The following LSS variants were observed in gnomAD, a reference collection of about 807,000 sequenced individuals.
The protein encoded by LSS is lanosterol synthase.
In LSS, 90 loss-of-function variants were observed where a neutral mutation model predicts 110.3. The observed-to-expected ratio is 0.82, with a 90% confidence interval of 0.69 to 0.97. The LOEUF is 0.97. LSS is among the 50% of genes least tolerant of loss of function. The pLI, the probability that LSS is intolerant of heterozygous loss-of-function variation, is 0.00. For synonymous variants in LSS, 433 were observed against 400.0 expected (o/e 1.08, Z -0.98); for missense variants, 927 against 990.0 (o/e 0.94, Z 0.85).
In LSS at chr21:46,227,592, G is replaced by A. The variant is rs1467149181; in HGVS notation, c.279C>T (p.His93=). The change falls in exon 3 of 22, where the codon CAC becomes CAT. Residue 93 remains histidine (H), a synonymous_variant. Coordinates refer to ENST00000397728, the MANE Select transcript of LSS (RefSeq NM_002340.6). The part of the protein sequence containing the change: ...FYVGLQAEDG[H]WTGDYGGPLF... ...GTGGGCCACCATAATCACCCGTCCA[G>A]TGCCCATCCTCAGCCTGCAGCCCCA... 5.0e-6 allele frequency: 8 copies of A among 1,613,904 alleles called. No individual in the cohort carries two copies. The Admixed American group carries it at 6.7e-5, about 13-fold the overall frequency.
intron 6 of LSS, among the ~76,000 whole-genome samples, chr21:46,218,488 A>G (rs2080235026): frequency 6.6e-6 from 1 of 151,858 alleles, no homozygotes; most frequent in Non-Finnish European, 1.5e-5. Flanking sequence ...GCTGGGCGTG[A>G]TGGCCTGAGA....
chr21:46,215,151 G>T, intron 9 of LSS, 29 bp downstream of exon 9: 1 of 1,576,934 alleles, frequency 6.3e-7, no homozygotes, highest in Non-Finnish European at 8.7e-7. Flanking sequence ...CCCAGGGGCT[G>T]CAGTCAGAGG....
rs1263191154 is a variant in LSS at position 46,194,502 on chromosome 21, C to T, written c.1977G>A (p.Leu659=). 1.2e-6 allele frequency: 2 copies of T among 1,613,706 alleles called. No homozygotes were observed. The highest frequency in any genetic ancestry group is 8.5e-7 in the Non-Finnish European group (1 of 1,180,026). The change falls in exon 20 of 22, where the codon CTG becomes CTA. Residue 659 remains leucine, a synonymous_variant. Coordinates refer to ENST00000397728, the MANE Select transcript of LSS (RefSeq NM_002340.6). ...CCCGTCGTCCCCACCGAACGGCCAT[C>T]AGCCCCATCATGGCCCAGCATGTGT... ...IHNTCWAMMG[L]MAVRHPDIEA...
chr21:46,208,372 G>T, intron 13 of LSS, 71 bp from the exon 14 acceptor site: 2 of 1,317,336 alleles, frequency 1.5e-6, no homozygotes, highest in Non-Finnish European at 2.1e-6. Context: ...CTGGGACATC[G>T]CTGAGACAGA....
intron 6 of LSS, among the ~76,000 whole-genome samples, chr21:46,218,301 A>G (rs1456658004): frequency 1.3e-5 from 2 of 151,790 alleles, no homozygotes; most frequent in South Asian, 2.1e-4. Context: ...GGAGATGTCC[A>G]CTGCTTTCAA....
chr21:46,220,232 A>C (rs2080257799), intron 5 of LSS: 1 of 152,416 alleles, frequency 6.6e-6, no homozygotes, highest in African/African-American at 2.4e-5. Context: ...AGTGCAGCCT[A>C]AACACGTTCC....
chr21:46,205,757 C>A, intron 17 of LSS, 79 bp downstream of exon 17: 2 of 1,112,556 alleles, frequency 1.8e-6, no homozygotes, highest in Non-Finnish European at 2.6e-6. Context: ...GCCACCAGGG[C>A]CGTGTCACAG....
intron 17 of LSS, among the ~76,000 whole-genome samples, chr21:46,200,906 A>C (rs1395837664): frequency 6.6e-6 from 1 of 152,264 alleles, no homozygotes. Flanking sequence ...ACACCTGCTA[A>C]GAAATACTCA....
intron 6 of LSS, 93 bp downstream of exon 6, chr21:46,219,383 G>T (rs2123752182): frequency 1.2e-5 from 9 of 773,688 alleles, no homozygotes; most frequent in Admixed American, 3.4e-5. Context: ...ACCCCTCTCT[G>T]CTGTCACAGC....
chr21:46,204,569 AT>A (rs1388038519), intron 17 of LSS, among the ~76,000 whole-genome samples: 1 of 151,910 alleles, frequency 6.6e-6, no homozygotes, highest in Non-Finnish European at 1.5e-5. Flanking sequence ...CCTATAAACT[AT>A]TAAAGAAATT....
chr21:46,222,087 A>C (rs1601448617), intron 4 of LSS, 112 bp from the exon 5 acceptor site: 61 of 1,211,760 alleles, frequency 5.0e-5, no homozygotes, highest in East Asian at 2.5e-4. Flanking sequence ...AAATGCCTTA[A>C]CCTGACATAA....
rs142757718 is a variant in LSS, at chr21:46,194,483, G to A, written c.1988+8C>T. 5.7e-4 allele frequency: 925 copies of A among 1,612,980 alleles called. 4 individuals carry two copies. In the East Asian group the frequency reaches 6.9e-3, roughly 12 times the overall value. On this transcript the variant is annotated splice_region_variant and intron_variant, in intron 20 of 21. Coordinates refer to ENST00000397728, the MANE Select transcript of LSS (RefSeq NM_002340.6). ...CCCAAGGCTCAGGGACGGTCCCGTC[G>A]TCCCCACCGAACGGCCATCAGCCCC... is the stretch of plus-strand genomic sequence containing the variant.
At chr21:46,228,704 G>C in intron 1 of LSS, 28 bp downstream of exon 1, 1 of 1,602,708 alleles carries the variant, frequency 6.2e-7, no homozygotes, top group South Asian at 1.1e-5. Context: ...CCCCGCATTC[G>C]TCAGGAGCCC....
intron 17 of LSS, among the ~76,000 whole-genome samples, chr21:46,203,667 C>T (rs553890191): frequency 1.5e-4 from 23 of 152,232 alleles, no homozygotes; most frequent in Non-Finnish European, 2.4e-4. Flanking sequence ...CCGAGGGCCA[C>T]GCCAGGCCGA....
intron 19 of LSS, 85 bp downstream of exon 19, chr21:46,195,591 A>G (rs768106419): frequency 5.5e-6 from 7 of 1,269,514 alleles, no homozygotes; most frequent in Non-Finnish European, 6.8e-6. Context: ...AACAAACCCT[A>G]AAACCAAATG....
rs2079781884 is a variant in LSS, at chr21:46,189,838, G to C, written c.*1266C>G. 2.5e-6 allele frequency: 1 copy of C among 400,760 alleles called. No homozygotes were observed. Among genetic ancestry groups the C allele is most frequent in the Admixed American group, 2.6e-5 (1 of 38,092 alleles). The allele number at this position is 400,760 out of a possible 1,614,324, so 24.8% of individuals were successfully genotyped here. A position where few individuals can be genotyped will look rare whatever the true frequency, so the allele number is the denominator to read the frequency against. Reference sequence around the variant, plus strand: ...TCAGTGACTCCTCCCAGTAGCCAGGGGAGAGCAGTGACAGTCTCAGGTGGC... The same window carrying C: ...TCAGTGACTCCTCCCAGTAGCCAGGCGAGAGCAGTGACAGTCTCAGGTGGC... On this transcript the variant is annotated 3_prime_UTR_variant, in exon 22 of 22. Transcript: ENST00000397728.
chr21:46,218,875 C>G (rs183062854), intron 6 of LSS, among the ~76,000 whole-genome samples: 61 of 152,026 alleles, frequency 4.0e-4, no homozygotes, highest in Admixed American at 2.0e-3. Flanking sequence ...TAGAGGCACG[C>G]GCCGCCACGC....
intron 14 of LSS, 147 bp from the exon 15 acceptor site, chr21:46,207,724 C>A: frequency 1.1e-6 from 1 of 920,616 alleles, no homozygotes; most frequent in Non-Finnish European, 1.6e-6. Flanking sequence ...GCAGCCAGGG[C>A]CCCAAGCTGG....
In LSS at chr21:46,194,407, C is replaced by T. The variant is rs2079876959; in HGVS notation, c.1988+84G>A. ...ACAGGCCTCCCCTCCTCTCTACATTCACTCAGCCCAGGCCACCGGCTCACA... is the reference window on the plus strand; with the variant it reads ...ACAGGCCTCCCCTCCTCTCTACATTTACTCAGCCCAGGCCACCGGCTCACA... On this transcript the variant is annotated intron_variant, in intron 20 of 21. Coordinates refer to ENST00000397728, the MANE Select transcript of LSS (RefSeq NM_002340.6). 9 of 1,523,768 alleles carry T rather than the reference C, an allele frequency of 5.9e-6. No individual in the cohort carries two copies. The South Asian group carries it at 1.0e-4, about 18-fold the overall frequency. The allele number at this position is 1,523,768 out of a possible 1,614,324, so 94.4% of individuals were successfully genotyped here.
Sources: gnomAD v4.1 joint callset for allele counts (sites outside exome capture counted in the v4.1 genomes callset) on GRCh38, gnomAD v4.1.1 for gene constraint, MANE v1.5 for transcripts, NCBI Gene and HGNC (gene_info 2026-07-23, HGNC 2026-07-21) for gene names.